Variants in BMPER observed in about 807,000 individuals in gnomAD.
BMPER encodes BMP binding endothelial regulator.
A neutral mutation model predicts 87.3 loss-of-function variants in BMPER; 45 were observed. That is an observed-to-expected ratio of 0.52 (90% CI 0.41 to 0.66). The LOEUF is 0.66. Ranked by LOEUF, BMPER falls within the 30% of genes least tolerant of loss-of-function variation. The probability of loss-of-function intolerance (pLI) is 0.00; values close to 1 mark genes in which losing one functional copy is unlikely to be tolerated. For synonymous variants in BMPER, 326 were observed against 316.2 expected (o/e 1.03, Z -0.33); for missense variants, 784 against 867.5 (o/e 0.90, Z 1.21).
At chr7:33,990,920 A>G (rs1786193044) in intron 6 of BMPER, among the ~76,000 whole-genome samples, 1 of 117,984 alleles carries the variant, frequency 8.5e-6, no homozygotes, top group African/African-American at 3.3e-5. Context: ...GATTACATTT[A>G]TTGATTTGCA....
chr7:33,934,056 G>A (rs2128608203), intron 2 of BMPER, among the ~76,000 whole-genome samples: 1 of 152,334 alleles, frequency 6.6e-6, no homozygotes, highest in Non-Finnish European at 1.5e-5. Flanking sequence ...AATGAGCCCT[G>A]AACTTGAGTC....
intron 6 of BMPER, among the ~76,000 whole-genome samples, chr7:34,028,026 G>T (rs535631819): frequency 6.6e-6 from 1 of 151,990 alleles, no homozygotes; most frequent in African/African-American, 2.4e-5. Flanking sequence ...ATATAGCAGA[G>T]AATGGTTCAT....
At chr7:33,985,521 A>G (rs560265039) in intron 6 of BMPER, among the ~76,000 whole-genome samples, 1 of 152,288 alleles carries the variant, frequency 6.6e-6, no homozygotes, top group East Asian at 1.9e-4. Flanking sequence ...TTCTATAATT[A>G]GTGGGTCAAC....
chr7:33,924,014 G>C (rs769354009), intron 2 of BMPER, among the ~76,000 whole-genome samples: 1 of 152,054 alleles, frequency 6.6e-6, no homozygotes, highest in Non-Finnish European at 1.5e-5. Context: ...ATCTGTCCAC[G>C]TGTCTACCTG....
intron 6 of BMPER, among the ~76,000 whole-genome samples, chr7:34,033,705 A>G (rs1344658523): frequency 6.6e-6 from 1 of 152,218 alleles, no homozygotes. Flanking sequence ...GCCCTTGGGC[A>G]TTGACCACAG....
chr7:34,047,795 C>CTTCCCTCCTTCCTTCCTTCA (rs1788016373), intron 7 of BMPER, among the ~76,000 whole-genome samples: 11 of 33,438 alleles, frequency 3.3e-4, no homozygotes, highest in South Asian at 1.5e-3. Flanking sequence ...TCTTTCCTTC[C>CTTCCCTCCTTCCTTCCTTCA]TTCCTTCCTT....
chr7:34,053,914 T>A (rs1788211038), intron 8 of BMPER, among the ~76,000 whole-genome samples: 1 of 152,186 alleles, frequency 6.6e-6, no homozygotes, highest in Non-Finnish European at 1.5e-5. Context: ...TGGTTTCAGA[T>A]CTCTGTGCCT....
intron 1 of BMPER, 47 bp downstream of exon 1, chr7:33,905,793 GTACCTGGGAAAGGTGGCGCTGGCTTGC>G: frequency 1.4e-6 from 2 of 1,383,058 alleles, no homozygotes; most frequent in Non-Finnish European, 2.0e-6. Flanking sequence ...CGCCGGTTTG[GTACCTGGGAAAGGTGGCGCTGGCTTGC>G]CCCGGGGATG....
intron 1 of BMPER, among the ~76,000 whole-genome samples, 161 bp downstream of exon 1, chr7:33,905,907 G>T (rs1312930053): frequency 6.6e-6 from 1 of 152,236 alleles, no homozygotes; most frequent in African/African-American, 2.4e-5. Context: ...GGGAGGGCTG[G>T]GAAGGCTGGT....
chr7:33,955,423 C>T (rs183995407), intron 3 of BMPER, among the ~76,000 whole-genome samples: 139 of 152,268 alleles, frequency 9.1e-4, no homozygotes, highest in Non-Finnish European at 2.4e-4. Flanking sequence ...AAATGAGTCT[C>T]AGCTCAGACT....
intron 14 of BMPER, among the ~76,000 whole-genome samples, chr7:34,144,172 C>T (rs900747735): frequency 1.3e-5 from 2 of 151,914 alleles, no homozygotes; most frequent in Non-Finnish European, 2.9e-5. Flanking sequence ...GGAGTGAGGG[C>T]AAGCATTCTA....
intron 4 of BMPER, among the ~76,000 whole-genome samples, chr7:33,969,946 G>A (rs1370780797): frequency 6.6e-6 from 1 of 152,122 alleles, no homozygotes; most frequent in African/African-American, 2.4e-5. Flanking sequence ...ACCATTAATG[G>A]CTTGACATGA....
chr7:33,986,418 A>G (rs1186573921), intron 6 of BMPER, among the ~76,000 whole-genome samples: 1 of 152,248 alleles, frequency 6.6e-6, no homozygotes, highest in Non-Finnish European at 1.5e-5. Flanking sequence ...ATTTGGCTAA[A>G]TAACTAGTCT....
chr7:34,078,728 T>A, intron 11 of BMPER, 129 bp from the exon 12 acceptor site: 1 of 950,100 alleles, frequency 1.1e-6, no homozygotes, highest in South Asian at 1.4e-5. Context: ...ACGACCACTT[T>A]TTTTTTTAAG....
At chr7:34,037,154 T>C (rs1328106657) in intron 6 of BMPER, among the ~76,000 whole-genome samples, 2 of 152,116 alleles carry the variant, frequency 1.3e-5, no homozygotes, top group African/African-American at 4.8e-5. Context: ...TGAACTATTA[T>C]TGCGCCACTG....
Position 34,086,063 on chromosome 7 carries a change from C to A in BMPER, c.1716C>A (p.His572Gln), listed in dbSNP as rs774691043. Residue 572 changes from histidine to glutamine, a missense_variant, in exon 13 of 15, where the codon CAC becomes CAA. Physicochemically the swap from His to Gln is conservative, Grantham distance 24 (BLOSUM62 0). Coordinates refer to ENST00000649409, the MANE Select transcript of BMPER (RefSeq NM_001365308.1). ...AATCCTGGGAGTTTCAGACCTGCCA[C>A]TCGACTGTGGACTACGCCACTTTCT... ...KLKSWEFQTC[H>Q]STVDYATFYR... 6.2e-6 allele frequency: 10 copies of A among 1,613,878 alleles called. No homozygotes were observed. The highest frequency in any genetic ancestry group is 6.8e-6 in the Non-Finnish European group (8 of 1,180,044).
At chr7:33,983,359 C>T (rs1471299310) in intron 6 of BMPER, among the ~76,000 whole-genome samples, 1 of 151,826 alleles carries the variant, frequency 6.6e-6, no homozygotes, top group African/African-American at 2.4e-5. Context: ...TTGAGCACAA[C>T]AGGGAAAAAA....
intron 13 of BMPER, among the ~76,000 whole-genome samples, chr7:34,089,530 C>T (rs1031921804): frequency 2.6e-5 from 4 of 152,136 alleles, no homozygotes; most frequent in Non-Finnish European, 4.4e-5. Flanking sequence ...GTCACCCAGG[C>T]TGGAGTGCAG....
chr7:34,066,054 A>G (rs1278889281), intron 11 of BMPER, among the ~76,000 whole-genome samples: 1 of 152,238 alleles, frequency 6.6e-6, no homozygotes, highest in Admixed American at 6.5e-5. Context: ...AAAATCCCAC[A>G]GAATTTCTCC....
Sources: gnomAD v4.1 joint callset for allele counts (sites outside exome capture counted in the v4.1 genomes callset) on GRCh38, gnomAD v4.1.1 for gene constraint, MANE v1.5 for transcripts, NCBI Gene and HGNC (gene_info 2026-07-23, HGNC 2026-07-21) for gene names.